Variants in SUPT3H observed in about 807,000 individuals in gnomAD.
SUPT3H encodes the protein transcription initiation protein SPT3 homolog.
In SUPT3H, 44 loss-of-function variants were observed where a neutral mutation model predicts 44.3. That is an observed-to-expected ratio of 0.99 (90% CI 0.78 to 1.28). The LOEUF (loss-of-function observed/expected upper bound fraction) is 1.28. Ranked by LOEUF, SUPT3H falls within the 50% of genes most tolerant of loss-of-function variation. The probability of loss-of-function intolerance (pLI) is 0.00; values close to 1 mark genes in which losing one functional copy is unlikely to be tolerated. For synonymous variants in SUPT3H, 124 were observed against 125.6 expected (o/e 0.99, Z 0.09); for missense variants, 380 against 387.1 (o/e 0.98, Z 0.15).
chr6:45,161,679 A>C (rs1809005420), intron 2 of SUPT3H, among the ~76,000 whole-genome samples: 1 of 152,114 alleles, frequency 6.6e-6, no homozygotes, highest in African/African-American at 2.4e-5. Flanking sequence ...CTGACCACTC[A>C]ACACACACAC....
chr6:45,340,694 G>C (rs1425809724), intron 2 of SUPT3H, among the ~76,000 whole-genome samples: 1 of 152,018 alleles, frequency 6.6e-6, no homozygotes, highest in African/African-American at 2.4e-5. Flanking sequence ...ATAATTAATA[G>C]TCTTAATGTC....
intron 9 of SUPT3H, among the ~76,000 whole-genome samples, chr6:44,950,539 G>A (rs1433128275): frequency 6.6e-6 from 1 of 152,134 alleles, no homozygotes; most frequent in African/African-American, 2.4e-5. Flanking sequence ...TTGAGTCCAG[G>A]AGATCAAGGC....
At chr6:45,080,748 G>A (rs535293881) in intron 3 of SUPT3H, among the ~76,000 whole-genome samples, 3 of 152,164 alleles carry the variant, frequency 2.0e-5, no homozygotes, top group African/African-American at 7.2e-5. Flanking sequence ...TGGACACAGA[G>A]AGTAGACAGA....
chr6:45,348,465 C>A (rs2396504), intron 2 of SUPT3H, among the ~76,000 whole-genome samples: 2 of 145,980 alleles, frequency 1.4e-5, no homozygotes, highest in Admixed American at 6.9e-5. Context: ...TCTAGAGTTC[C>A]AGACCAGACT....
At chr6:44,883,315 CA>C (rs1247826361) in intron 10 of SUPT3H, among the ~76,000 whole-genome samples, 1 of 152,156 alleles carries the variant, frequency 6.6e-6, no homozygotes, top group Non-Finnish European at 1.5e-5. Context: ...ATACAACTTA[CA>C]AGGGATGTGA....
intron 6 of SUPT3H, among the ~76,000 whole-genome samples, chr6:44,990,483 T>A (rs759974078): frequency 5.9e-5 from 9 of 152,076 alleles, no homozygotes; most frequent in Non-Finnish European, 1.0e-4. Context: ...CAGGGTGTGA[T>A]GCCTCCCACT....
At chr6:45,174,168 C>T (rs773254283) in intron 2 of SUPT3H, among the ~76,000 whole-genome samples, 6 of 152,152 alleles carry the variant, frequency 3.9e-5, no homozygotes, top group Admixed American at 2.0e-4. Context: ...CTTTTCTTGG[C>T]TAAGTACTGA....
At chr6:45,361,619 T>C (rs1794278083) in intron 2 of SUPT3H, 1 of 152,134 alleles carries the variant, frequency 6.6e-6, no homozygotes, top group Non-Finnish European at 1.5e-5. Flanking sequence ...TCTGGACCAT[T>C]CCAGTACAGG....
chr6:45,254,288 A>C (rs1373876305), intron 2 of SUPT3H, among the ~76,000 whole-genome samples: 1 of 152,178 alleles, frequency 6.6e-6, no homozygotes, highest in Non-Finnish European at 1.5e-5. Context: ...AGAAATTAGT[A>C]AACTTTAGAG....
chr6:45,080,832 G>GA (rs1382713705), intron 3 of SUPT3H, among the ~76,000 whole-genome samples: 1 of 151,930 alleles, frequency 6.6e-6, no homozygotes, highest in Non-Finnish European at 1.5e-5. Context: ...ACAAAAAACA[G>GA]AAAGAATAAA....
intron 2 of SUPT3H, among the ~76,000 whole-genome samples, chr6:45,198,314 A>G (rs543853515): frequency 5.3e-4 from 80 of 151,510 alleles, no homozygotes; most frequent in African/African-American, 1.8e-3. Context: ...GCAGCAGAAA[A>G]AAAAGGTATA....
intron 2 of SUPT3H, among the ~76,000 whole-genome samples, chr6:45,283,468 A>C (rs1778585620): frequency 6.6e-6 from 1 of 152,174 alleles, no homozygotes; most frequent in South Asian, 2.1e-4. Context: ...TTAAACCAAC[A>C]AAGGTCAAAA....
intron 2 of SUPT3H, among the ~76,000 whole-genome samples, chr6:45,323,576 A>G (rs988895757): frequency 6.6e-6 from 1 of 152,110 alleles, no homozygotes; most frequent in Non-Finnish European, 1.5e-5. Flanking sequence ...TTGGCAATAA[A>G]AGACATCTTA....
chr6:45,353,994 C>T (rs914861198), intron 2 of SUPT3H, among the ~76,000 whole-genome samples: 1 of 151,982 alleles, frequency 6.6e-6, no homozygotes, highest in Non-Finnish European at 1.5e-5. Flanking sequence ...TATTTTCAAG[C>T]TCAGTTGTCA....
rs1488829423 is a variant in SUPT3H, at chr6:44,917,414, CAT to C, written c.912+15237_912+15238del. On this transcript the variant is annotated intron_variant, in intron 10 of 10. Transcript: ENST00000371459. ...TGTACATTCTATCTAAAAGATCATA[CAT>C]GTGTGTACATATATGTTTTTAAAAG... Among the ~76,000 whole-genome samples, 7 of 152,172 alleles carry C rather than the reference CAT, an allele frequency of 4.6e-5. 1 individual carries two copies. The South Asian group carries it at 8.3e-4, about 18-fold the overall frequency.
At chr6:45,000,346 T>A (rs1209595243) in intron 6 of SUPT3H, among the ~76,000 whole-genome samples, 1 of 152,020 alleles carries the variant, frequency 6.6e-6, no homozygotes, top group Non-Finnish European at 1.5e-5. Flanking sequence ...CTTTTCCTTA[T>A]AACTGAAATA....
At chr6:45,161,343 A>G (rs1003499907) in intron 2 of SUPT3H, among the ~76,000 whole-genome samples, 3 of 152,120 alleles carry the variant, frequency 2.0e-5, no homozygotes, top group African/African-American at 7.2e-5. Context: ...CTGAGCCCCA[A>G]AAGAATAGTT....
intron 10 of SUPT3H, among the ~76,000 whole-genome samples, chr6:44,887,101 C>A (rs958286425): frequency 3.9e-5 from 6 of 152,248 alleles, no homozygotes; most frequent in African/African-American, 1.4e-4. Context: ...AAGACAGGAG[C>A]ACCCAGTTTC....
At chr6:45,154,217 C>T (rs1807441772) in intron 2 of SUPT3H, among the ~76,000 whole-genome samples, 1 of 152,012 alleles carries the variant, frequency 6.6e-6, no homozygotes, top group Non-Finnish European at 1.5e-5. Flanking sequence ...AATTAATTCA[C>T]ATATTATTTA....
Sources: gnomAD v4.1 joint callset for allele counts (sites outside exome capture counted in the v4.1 genomes callset) on GRCh38, gnomAD v4.1.1 for gene constraint, MANE v1.5 for transcripts, NCBI Gene and HGNC (gene_info 2026-07-23, HGNC 2026-07-21) for gene names.